TRAPPC9: variants seen among roughly 807,000 people sequenced by gnomAD.
TRAPPC9 encodes the protein IKK2 binding protein.
TRAPPC9 carries 83 observed loss-of-function variants against 124.0 expected under a neutral mutation model. The observed-to-expected ratio is 0.67, with a 90% confidence interval of 0.56 to 0.80. The LOEUF is 0.80. TRAPPC9 is among the 30% of genes least tolerant of loss of function. The pLI is 0.00. For synonymous variants in TRAPPC9, 638 were observed against 617.5 expected (o/e 1.03, Z -0.49); for missense variants, 1,302 against 1,508.3 (o/e 0.86, Z 2.27).
At chr8:140,387,078 A>G (rs1379880277) in intron 7 of TRAPPC9, among the ~76,000 whole-genome samples, 1 of 152,224 alleles carries the variant, frequency 6.6e-6, no homozygotes, top group Non-Finnish European at 1.5e-5. Flanking sequence ...AGGATTCCCT[A>G]TTTAACAAAT....
At chr8:140,214,913 C>T (rs949138662) in intron 17 of TRAPPC9, among the ~76,000 whole-genome samples, 1 of 152,200 alleles carries the variant, frequency 6.6e-6, no homozygotes, top group Non-Finnish European at 1.5e-5. Flanking sequence ...CATGACTACA[C>T]CATTCCTCGG....
intron 14 of TRAPPC9, among the ~76,000 whole-genome samples, chr8:140,281,367 C>T (rs757327150): frequency 1.3e-5 from 2 of 152,140 alleles, no homozygotes; most frequent in African/African-American, 2.4e-5. Context: ...CTAATGATGT[C>T]GACCATCCTT....
intron 16 of TRAPPC9, among the ~76,000 whole-genome samples, chr8:140,245,311 C>T (rs2063954894): frequency 6.6e-6 from 1 of 152,214 alleles, no homozygotes; most frequent in African/African-American, 2.4e-5. Context: ...GGCCCACCAC[C>T]CAGACTTTGT....
intron 17 of TRAPPC9, among the ~76,000 whole-genome samples, chr8:140,106,725 C>T (rs564032388): frequency 2.0e-5 from 3 of 151,926 alleles, no homozygotes; most frequent in Non-Finnish European, 2.9e-5. Flanking sequence ...ATTCTTCCCA[C>T]GAAAAAAAGA....
At chr8:140,066,373 G>C (rs543299044) in intron 17 of TRAPPC9, among the ~76,000 whole-genome samples, 2 of 152,310 alleles carry the variant, frequency 1.3e-5, no homozygotes, top group South Asian at 4.1e-4. Flanking sequence ...TGAAGATGCC[G>C]ATGGTCATCA....
At chr8:140,014,126 G>A (rs1839307334) in intron 18 of TRAPPC9, among the ~76,000 whole-genome samples, 1 of 152,182 alleles carries the variant, frequency 6.6e-6, no homozygotes, top group African/African-American at 2.4e-5. Flanking sequence ...GGCCTCGGTG[G>A]CAGGGTGTCT....
At chr8:139,755,399 T>A (rs1033996151) in intron 21 of TRAPPC9, among the ~76,000 whole-genome samples, 1 of 131,200 alleles carries the variant, frequency 7.6e-6, no homozygotes, top group African/African-American at 3.0e-5. Flanking sequence ...GGACAGCAGG[T>A]CGCAGGAAGA....
chr8:139,776,170 G>A lies in TRAPPC9; in HGVS notation c.3056-43968C>T, dbSNP rs373157074. On this transcript the variant is annotated intron_variant, in intron 21 of 22. Transcript: ENST00000438773. This position sits in a 1 kb window ranked among gnomAD's most constrained non-coding sequence, Gnocchi z 4.1. ...GCTAGTCATGGGGGCTTGGGACCCA[G>A]CCTCAGTCTCTGGGCTCCCCGACAG... Among the ~76,000 whole-genome samples the A allele has an allele frequency of 2.4e-4, 36 of 152,316 alleles. No individual in the cohort carries two copies. The South Asian group carries it at 6.4e-3, about 27-fold the overall frequency.
intron 17 of TRAPPC9, among the ~76,000 whole-genome samples, chr8:140,212,163 C>T (rs1249884102): frequency 2.6e-5 from 4 of 152,242 alleles, no homozygotes; most frequent in South Asian, 2.1e-4. Context: ...TAAGCAGATG[C>T]GGATGGCTGG....
intron 18 of TRAPPC9, among the ~76,000 whole-genome samples, chr8:140,003,601 C>CAAAAAAAA (rs58826807): frequency 1.1e-5 from 1 of 91,390 alleles, no homozygotes; most frequent in African/African-American, 3.2e-5. Flanking sequence ...GACCCTGTCA[C>CAAAAAAAA]AAAAAAAAAA....
chr8:139,934,984 G>A (rs1442090266), intron 19 of TRAPPC9, among the ~76,000 whole-genome samples: 2 of 152,196 alleles, frequency 1.3e-5, no homozygotes, highest in Non-Finnish European at 2.9e-5. Flanking sequence ...GCAAGACAAT[G>A]TTCACAGAGT....
At chr8:140,048,960 G>T (rs1028991660) in intron 17 of TRAPPC9, among the ~76,000 whole-genome samples, 1 of 152,120 alleles carries the variant, frequency 6.6e-6, no homozygotes, top group Non-Finnish European at 1.5e-5. Flanking sequence ...AGAAATTCCA[G>T]AAATGTTTAC....
intron 21 of TRAPPC9, among the ~76,000 whole-genome samples, chr8:139,740,008 C>G (rs565369534): frequency 6.6e-6 from 1 of 152,188 alleles, no homozygotes; most frequent in African/African-American, 2.4e-5. Context: ...CATTTAAACC[C>G]CTAGTGCACC....
At chr8:140,037,823 ATAC>A (rs1841003018) in intron 17 of TRAPPC9, among the ~76,000 whole-genome samples, 1 of 143,940 alleles carries the variant, frequency 6.9e-6, no homozygotes, top group African/African-American at 2.6e-5. Context: ...AGATACACAC[ATAC>A]CCAACACACA....
intron 21 of TRAPPC9, among the ~76,000 whole-genome samples, chr8:139,838,584 G>A (rs1379795521): frequency 2.0e-5 from 3 of 152,124 alleles, no homozygotes; most frequent in Non-Finnish European, 4.4e-5. Context: ...CCACCCTGGC[G>A]GGTCTCCTTG....
intron 20 of TRAPPC9, among the ~76,000 whole-genome samples, chr8:139,905,787 A>G (rs568208550): frequency 3.3e-5 from 5 of 152,272 alleles, no homozygotes; most frequent in Middle Eastern, 3.4e-3. Context: ...TTAAGAAAAG[A>G]TTTCCTAAAG....
chr8:140,042,462 C>G (rs569750720), intron 17 of TRAPPC9, among the ~76,000 whole-genome samples: 1 of 152,334 alleles, frequency 6.6e-6, no homozygotes, highest in East Asian at 1.9e-4. Flanking sequence ...GTTCCGGCTG[C>G]TTTTTATAGA....
chr8:140,294,775 A>T (rs4736028), intron 11 of TRAPPC9, among the ~76,000 whole-genome samples: 98,498 of 151,440 alleles, frequency 0.65, 32,503 homozygotes, highest in African/African-American at 0.78. Context: ...GCCCGGCTAA[A>T]TTTGTTTGTA....
chr8:139,810,636 T>C (rs1411913718), intron 21 of TRAPPC9, among the ~76,000 whole-genome samples: 1 of 152,120 alleles, frequency 6.6e-6, no homozygotes, highest in Non-Finnish European at 1.5e-5. Flanking sequence ...AGAAGTTCTA[T>C]TCTTGGTAGG....
Sources: gnomAD v4.1 joint callset for allele counts (sites outside exome capture counted in the v4.1 genomes callset) on GRCh38, gnomAD v4.1.1 for gene constraint, Gnocchi (gnomAD v3.1) non-coding constraint, MANE v1.5 for transcripts, NCBI Gene and HGNC (gene_info 2026-07-23, HGNC 2026-07-21) for gene names.